SV2C: variants seen among roughly 807,000 people sequenced by gnomAD.
SV2C encodes synaptic vesicle glycoprotein 2C, also known as solute carrier family 22 member B3.
In SV2C, 49 loss-of-function variants were observed where a neutral mutation model predicts 79.7. The observed-to-expected ratio is 0.61, with a 90% CI of 0.49 to 0.78. The LOEUF is 0.78. Ranked by LOEUF, SV2C falls within the 30% of genes least tolerant of loss-of-function variation. The pLI is 0.00. For synonymous variants in SV2C, 334 were observed against 333.2 expected, an observed-to-expected ratio of 1.00 and a Z score of -0.03; for missense variants, 833 against 912.9, an observed-to-expected ratio of 0.91 and a Z score of 1.13.
At chr5:76,089,042 T>C (rs1190272861) in intron 1 of SV2C, among the ~76,000 whole-genome samples, 1 of 152,224 alleles carries the variant, frequency 6.6e-6, no homozygotes, top group Admixed American at 6.5e-5. Context: ...TTAATTTTAA[T>C]TTCATGTTCT....
chr5:76,160,210 A>G (rs899550389), intron 2 of SV2C, among the ~76,000 whole-genome samples: 1 of 152,124 alleles, frequency 6.6e-6, no homozygotes, highest in Non-Finnish European at 1.5e-5. Flanking sequence ...TTATTATAGA[A>G]TTTCAAAACT....
intron 6 of SV2C, among the ~76,000 whole-genome samples, chr5:76,286,319 A>T (rs1747356695): frequency 6.6e-6 from 1 of 152,124 alleles, no homozygotes; most frequent in Non-Finnish European, 1.5e-5. Context: ...GAAGAGAGCC[A>T]GGCTGTGCAG....
chr5:76,317,848 GTTCTT>G (rs1748684582), intron 12 of SV2C, among the ~76,000 whole-genome samples: 2 of 152,048 alleles, frequency 1.3e-5, no homozygotes, highest in East Asian at 3.9e-4. Context: ...GCACTTAATT[GTTCTT>G]TTCTAATAAT....
At chr5:75,905,425 T>A in the SV2C span, among the ~76,000 whole-genome samples, 1 of 152,138 alleles carries the variant, frequency 6.6e-6, no homozygotes, top group Non-Finnish European at 1.5e-5. Context: ...TGTATGCCCA[T>A]GTTGCAAAAT....
intron 4 of SV2C, among the ~76,000 whole-genome samples, chr5:76,226,941 G>A (rs1257200343): frequency 1.3e-5 from 2 of 152,146 alleles, no homozygotes; most frequent in East Asian, 1.9e-4. Context: ...AGTTAAGCGG[G>A]CCCCACAGGA....
chr5:76,166,168 G>A (rs926663239), intron 2 of SV2C, among the ~76,000 whole-genome samples: 17 of 152,274 alleles, frequency 1.1e-4, no homozygotes, highest in South Asian at 2.1e-4. Flanking sequence ...AAGATACCCC[G>A]TGGTCAAAAG....
At chr5:76,232,495 A>G (rs1745455826) in intron 4 of SV2C, among the ~76,000 whole-genome samples, 1 of 147,312 alleles carries the variant, frequency 6.8e-6, no homozygotes, top group Non-Finnish European at 1.5e-5. Flanking sequence ...TTGGTGTTTT[A>G]GACATGAAGT....
At chr5:76,093,324 C>T (rs1177286560) in intron 1 of SV2C, among the ~76,000 whole-genome samples, 1 of 152,134 alleles carries the variant, frequency 6.6e-6, no homozygotes, top group African/African-American at 2.4e-5. Flanking sequence ...TGAGAAGCTG[C>T]TTGGCAGAGT....
intron 12 of SV2C, among the ~76,000 whole-genome samples, chr5:76,310,227 G>A (rs1748383564): frequency 6.6e-6 from 1 of 152,180 alleles, no homozygotes; most frequent in African/African-American, 2.4e-5. Flanking sequence ...TATATTGGAT[G>A]GTGCTAAGTG....
rs561821679 is a variant in SV2C, at chr5:76,205,087, T to G, written c.762-4649T>G. On this transcript the variant is annotated intron_variant, in intron 3 of 12. Coordinates refer to ENST00000502798, the MANE Select transcript of SV2C (RefSeq NM_014979.4). Reference sequence around the variant, plus strand: ...TTATTGGGGAAAATAAATGAATATATTTCATGATATTTACCAGATGCCTAG... The same window carrying G: ...TTATTGGGGAAAATAAATGAATATAGTTCATGATATTTACCAGATGCCTAG... 2.0e-5 allele frequency among the ~76,000 whole-genome samples: 3 copies of G among 152,308 alleles called. No homozygotes were observed. In the South Asian group the frequency reaches 6.2e-4, roughly 32 times the overall value.
chr5:76,166,927 C>G (rs540275841), intron 2 of SV2C, among the ~76,000 whole-genome samples: 114 of 152,224 alleles, frequency 7.5e-4, no homozygotes, highest in Non-Finnish European at 1.4e-3. Flanking sequence ...TTTTATGACC[C>G]AAGAGGTCTC....
At position 76,285,322 on chromosome 5, in the gene SV2C, G is replaced by A. The variant is rs563418248; in HGVS notation, c.1047+27G>A. ...TAACACTTATTATTGCAGATACTCAGGTAGCCCACCTCTATTGGAAAAAGT... is the reference window on the plus strand; with the variant it reads ...TAACACTTATTATTGCAGATACTCAAGTAGCCCACCTCTATTGGAAAAAGT... On this transcript the variant is annotated intron_variant, in intron 5 of 12. Transcript: ENST00000502798. 59 of 1,611,818 alleles carry A rather than the reference G, an allele frequency of 3.7e-5. No individual in the cohort carries two copies. The African/African-American group carries it at 7.3e-4, about 20-fold the overall frequency.
At chr5:76,172,288 T>A (rs1361462791) in intron 2 of SV2C, among the ~76,000 whole-genome samples, 1 of 7,446 alleles carries the variant, frequency 1.3e-4, no homozygotes, top group Non-Finnish European at 2.9e-4. Context: ...GGGAGGGAGG[T>A]GGGGGGGGGG....
chr5:76,205,732 A>G (rs1744588605), intron 3 of SV2C, among the ~76,000 whole-genome samples: 1 of 152,154 alleles, frequency 6.6e-6, no homozygotes, highest in South Asian at 2.1e-4. Context: ...TTTTATATAA[A>G]ACCAATTATA....
intron 1 of SV2C, among the ~76,000 whole-genome samples, chr5:76,091,507 C>T (rs1717909042): frequency 6.6e-6 from 1 of 152,162 alleles, no homozygotes; most frequent in South Asian, 2.1e-4. Context: ...TGATGCTGCC[C>T]TGTGCTGTTG....
chr5:76,256,899 G>C (rs1746285005), intron 4 of SV2C, among the ~76,000 whole-genome samples: 1 of 152,172 alleles, frequency 6.6e-6, no homozygotes, highest in African/African-American at 2.4e-5. Flanking sequence ...CTCTTGATCG[G>C]GGTTGTAAGT....
At chr5:76,251,743 C>T (rs986350993) in intron 4 of SV2C, among the ~76,000 whole-genome samples, 3 of 152,106 alleles carry the variant, frequency 2.0e-5, no homozygotes, top group Admixed American at 6.6e-5. Flanking sequence ...TATCCATGCA[C>T]CTATTCTTTA....
the SV2C span, among the ~76,000 whole-genome samples, chr5:75,908,194 C>T: frequency 6.6e-6 from 1 of 152,164 alleles, no homozygotes; most frequent in Non-Finnish European, 1.5e-5. Context: ...TGTTTTCCCC[C>T]AACTCCCCAG....
the SV2C span, among the ~76,000 whole-genome samples, chr5:76,022,179 A>G: frequency 2.6e-5 from 4 of 152,168 alleles, no homozygotes; most frequent in African/African-American, 9.7e-5. Context: ...GTCATTTAGC[A>G]CACTGAAGGA....
Sources: gnomAD v4.1 joint callset for allele counts (sites outside exome capture counted in the v4.1 genomes callset) on GRCh38, gnomAD v4.1.1 for gene constraint, MANE v1.5 for transcripts, NCBI Gene and HGNC (gene_info 2026-07-23, HGNC 2026-07-21) for gene names.